Variants in SDK2 observed in about 807,000 individuals in gnomAD.
The protein encoded by SDK2 is protein sidekick-2.
SDK2 carries 105 observed loss-of-function variants against 253.9 expected under a neutral mutation model. The ratio of observed to expected loss-of-function variants is 0.41; its 90% CI spans 0.35 to 0.49. SDK2 has a LOEUF of 0.49. SDK2 is among the 20% of genes least tolerant of loss of function. SDK2 has a pLI of 0.06. For missense variants in SDK2, 2,608 were observed against 3,003.0 expected, an observed-to-expected ratio of 0.87 and a Z score of 3.07; for synonymous variants, 1,249 against 1,234.9, an observed-to-expected ratio of 1.01 and a Z score of -0.24.
At chr17:73,480,423 A>G (rs921302551) in intron 2 of SDK2, among the ~76,000 whole-genome samples, 2 of 152,196 alleles carry the variant, frequency 1.3e-5, no homozygotes. Context: ...TGGCCAGTCT[A>G]GTACACTGGA....
intron 1 of SDK2, among the ~76,000 whole-genome samples, chr17:73,581,556 G>T (rs148501348): frequency 1.3e-5 from 2 of 152,220 alleles, no homozygotes; most frequent in Non-Finnish European, 2.9e-5. Context: ...AGCAGTGGGC[G>T]CTGAGCTGTG....
chr17:73,591,279 T>G (rs991881412), intron 1 of SDK2, among the ~76,000 whole-genome samples: 4 of 152,204 alleles, frequency 2.6e-5, no homozygotes, highest in African/African-American at 9.7e-5. Flanking sequence ...GACCCTCCCC[T>G]GGATGTAAGC....
At chr17:73,594,231 G>C (rs369010037) in intron 1 of SDK2, among the ~76,000 whole-genome samples, 118 of 152,274 alleles carry the variant, frequency 7.7e-4, no homozygotes, top group African/African-American at 2.7e-3. Context: ...GGCTGTAGGG[G>C]AAGGTCAGCC....
intron 2 of SDK2, among the ~76,000 whole-genome samples, chr17:73,495,645 T>TG (rs61339047): frequency 0.08 from 11,965 of 149,042 alleles, 510 homozygotes; most frequent in Non-Finnish European, 0.091. Flanking sequence ...TGTGTGTGTG[T>TG]TTGTTTGTGT....
intron 1 of SDK2, among the ~76,000 whole-genome samples, chr17:73,540,045 C>T (rs2044842142): frequency 6.7e-6 from 1 of 149,586 alleles, no homozygotes; most frequent in Non-Finnish European, 1.5e-5. Flanking sequence ...CCACGGTACC[C>T]AGGATGGGCA....
chr17:73,554,076 T>C (rs984084564), intron 1 of SDK2, among the ~76,000 whole-genome samples: 7 of 152,118 alleles, frequency 4.6e-5, no homozygotes, highest in African/African-American at 1.7e-4. Context: ...TTCCTAACCC[T>C]GGAGCAGATC....
At chr17:73,522,204 G>T (rs116906595) in intron 1 of SDK2, among the ~76,000 whole-genome samples, 4,633 of 152,356 alleles carry the variant, frequency 0.03, 189 homozygotes, top group Admixed American at 0.12. Flanking sequence ...AGAAGGCAGG[G>T]CTTTGCTTTG....
intron 2 of SDK2, chr17:73,504,382 C>CT (rs2063917941): frequency 6.6e-6 from 1 of 151,756 alleles, no homozygotes; most frequent in Non-Finnish European, 1.5e-5. Flanking sequence ...AATTCCAGCA[C>CT]TTTGGGAGGC....
At chr17:73,380,778 G>A in intron 34 of SDK2, 116 bp downstream of exon 34, 1 of 882,692 alleles carries the variant, frequency 1.1e-6, no homozygotes, top group Non-Finnish European at 1.9e-6. Context: ...CGTTTCTTAA[G>A]CCCCCTGGGG....
Position 73,395,108 on chromosome 17 carries a change from C to T in SDK2, c.3592+47G>A. On this transcript the variant is annotated intron_variant, in intron 25 of 44. Transcript: ENST00000392650. This position sits in a 1 kb window ranked among gnomAD's most constrained non-coding sequence, Gnocchi z 4.3. ...TGGATGACCCTGAGGGCATAGAGAC[C>T]AAGGAGGGGACAGGCAGCAGGGTGG... 1 of 1,477,284 alleles carries T rather than the reference C, an allele frequency of 6.8e-7. No homozygotes were observed. Among genetic ancestry groups the T allele is most frequent in the Non-Finnish European group, 9.2e-7 (1 of 1,088,816 alleles). The allele number at this position is 1,477,284 out of a possible 1,614,324, so 91.5% of individuals were successfully genotyped here.
chr17:73,483,479 T>C (rs1409559703), intron 2 of SDK2, among the ~76,000 whole-genome samples: 1 of 127,674 alleles, frequency 7.8e-6, no homozygotes, highest in African/African-American at 3.1e-5. Context: ...TGGCTAATCT[T>C]TGTGTGTGTG....
chr17:73,372,974 C>A lies in SDK2; in HGVS notation c.4981-4381G>T, dbSNP rs553255663. Among the ~76,000 whole-genome samples the A allele has an allele frequency of 2.6e-5, 4 of 152,148 alleles. No homozygotes were observed. In the South Asian group the frequency reaches 8.3e-4, roughly 32 times the overall value. On this transcript the variant is annotated intron_variant, in intron 36 of 44. Transcript: ENST00000392650. ...ACCATGTTGTACATTAGATCTAGAT[C>A]GTATTCAGCCTGCTTCACCGAAACG...
rs553172410 is a variant in SDK2, at chr17:73,566,317, A to G, written c.65-58720T>C. Among the ~76,000 whole-genome samples, 829 of 143,996 alleles carry G rather than the reference A, an allele frequency of 5.8e-3. 11 individuals carry two copies. Among genetic ancestry groups the G allele is most frequent in the African/African-American group, 0.021 (787 of 37,406 alleles). 94.5% of individuals were successfully genotyped at this position (143,996 alleles called of 152,430 possible). ...TAAGCCAAATAAAATTCTTATATATATATGTGTGTGTGTGTGTGTGTGTGT... is the reference window on the plus strand; with the variant it reads ...TAAGCCAAATAAAATTCTTATATATGTATGTGTGTGTGTGTGTGTGTGTGT... On this transcript the variant is annotated intron_variant, in intron 1 of 44. Coordinates refer to ENST00000392650, the MANE Select transcript of SDK2 (RefSeq NM_001144952.2).
intron 1 of SDK2, among the ~76,000 whole-genome samples, chr17:73,527,562 G>A (rs2064135819): frequency 1.3e-5 from 2 of 152,162 alleles, no homozygotes; most frequent in Non-Finnish European, 1.5e-5. Context: ...AGAATGCACA[G>A]GGCCTGCACT....
chr17:73,522,188 G>T (rs955445901), intron 1 of SDK2, among the ~76,000 whole-genome samples: 2 of 152,256 alleles, frequency 1.3e-5, no homozygotes, highest in Non-Finnish European at 2.9e-5. Context: ...TGAGCGCCCC[G>T]GAGAGAGAAG....
chr17:73,532,968 A>G (rs1043816392), intron 1 of SDK2, among the ~76,000 whole-genome samples: 2 of 152,290 alleles, frequency 1.3e-5, no homozygotes, highest in African/African-American at 4.8e-5. Flanking sequence ...TTTAATAAAG[A>G]TGAGTATAAA....
intron 1 of SDK2, among the ~76,000 whole-genome samples, chr17:73,571,887 C>T (rs1435518819): frequency 6.6e-6 from 1 of 152,196 alleles, no homozygotes; most frequent in Non-Finnish European, 1.5e-5. Flanking sequence ...CAGGTGCCCC[C>T]TTGACAACAC....
intron 1 of SDK2, among the ~76,000 whole-genome samples, chr17:73,598,243 C>T (rs1214032468): frequency 1.3e-5 from 2 of 152,172 alleles, no homozygotes; most frequent in Non-Finnish European, 2.9e-5. Context: ...GACCCACAGG[C>T]AGTTTGCTGG....
chr17:73,448,541 T>A (rs939716215), intron 4 of SDK2, among the ~76,000 whole-genome samples: 2 of 151,904 alleles, frequency 1.3e-5, no homozygotes, highest in African/African-American at 4.8e-5. Context: ...ATTTTTTGTA[T>A]TTTTAGTAGG....
Sources: gnomAD v4.1 joint callset for allele counts (sites outside exome capture counted in the v4.1 genomes callset) on GRCh38, gnomAD v4.1.1 for gene constraint, Gnocchi (gnomAD v3.1) non-coding constraint, MANE v1.5 for transcripts, NCBI Gene and HGNC (gene_info 2026-07-23, HGNC 2026-07-21) for gene names.